The following NCAM2 variants were observed in gnomAD, a reference collection of about 807,000 sequenced individuals.
NCAM2 encodes the protein N-CAM-2.
A neutral mutation model predicts 98.1 loss-of-function variants in NCAM2; 30 were observed. That is an observed-to-expected ratio of 0.31 (90% confidence interval 0.23 to 0.41). NCAM2 has a LOEUF of 0.41. Among genes scored for constraint, NCAM2 ranks in the 10% least tolerant of loss-of-function variants. NCAM2 has a pLI of 1.00. For missense variants in NCAM2, 867 were observed against 1,005.8 expected (o/e 0.86, Z 1.87); for synonymous variants, 368 against 342.4 (o/e 1.07, Z -0.83).
At chr21:21,421,196 A>G (rs1195505712) in intron 11 of NCAM2, among the ~76,000 whole-genome samples, 1 of 151,958 alleles carries the variant, frequency 6.6e-6, no homozygotes, top group Non-Finnish European at 1.5e-5. Context: ...AAATAATTCC[A>G]TGAACTTCAC....
At chr21:21,450,807 C>CGTATGT (rs1980934719) in intron 12 of NCAM2, among the ~76,000 whole-genome samples, 40 of 112,704 alleles carry the variant, frequency 3.5e-4, no homozygotes, top group South Asian at 2.3e-3. Context: ...CACACACACA[C>CGTATGT]ACACACACAC....
intron 1 of NCAM2, among the ~76,000 whole-genome samples, chr21:21,178,800 T>C (rs1406162397): frequency 6.6e-6 from 1 of 152,010 alleles, no homozygotes; most frequent in African/African-American, 2.4e-5. Context: ...ATTTATTTTC[T>C]AAAAAATGAT....
At chr21:21,040,094 G>A (rs975716979) in intron 1 of NCAM2, among the ~76,000 whole-genome samples, 16 of 151,998 alleles carry the variant, frequency 1.1e-4, no homozygotes, top group Admixed American at 3.3e-4. Flanking sequence ...ATACCACAAC[G>A]TTATTTACTC....
chr21:21,481,033 A>G (rs973784602), intron 15 of NCAM2, among the ~76,000 whole-genome samples: 2 of 152,178 alleles, frequency 1.3e-5, no homozygotes, highest in South Asian at 2.1e-4. Flanking sequence ...ATGGCTTGGA[A>G]ACATACACCA....
chr21:21,491,544 T>G (rs549748359), intron 15 of NCAM2, among the ~76,000 whole-genome samples: 1 of 151,884 alleles, frequency 6.6e-6, no homozygotes, highest in African/African-American at 2.4e-5. Context: ...ATATAAAAAT[T>G]ATTTAATTAG....
chr21:21,295,658 C>A (rs1255935661), intron 5 of NCAM2, among the ~76,000 whole-genome samples: 1 of 151,750 alleles, frequency 6.6e-6, no homozygotes, highest in Non-Finnish European at 1.5e-5. Context: ...AGGGACTTAC[C>A]CTTCATCCTG....
At chr21:21,111,498 G>A (rs2066453180) in intron 1 of NCAM2, among the ~76,000 whole-genome samples, 1 of 152,140 alleles carries the variant, frequency 6.6e-6, no homozygotes, top group South Asian at 2.1e-4. Flanking sequence ...GAGATGGAGG[G>A]AGAACCAAGA....
At chr21:21,108,349 T>A (rs1569030902) in intron 1 of NCAM2, among the ~76,000 whole-genome samples, 2 of 152,138 alleles carry the variant, frequency 1.3e-5, no homozygotes, top group Admixed American at 1.3e-4. Context: ...TTAATTTCTC[T>A]TGTAAAAGTT....
chr21:21,409,024 G>C (rs1196828711), intron 9 of NCAM2, among the ~76,000 whole-genome samples: 2 of 151,886 alleles, frequency 1.3e-5, no homozygotes, highest in Non-Finnish European at 2.9e-5. Flanking sequence ...GACTTAAATT[G>C]ATAATTTTTG....
chr21:21,271,806 G>C (rs112416675), intron 1 of NCAM2, among the ~76,000 whole-genome samples: 1 of 152,040 alleles, frequency 6.6e-6, no homozygotes, highest in African/African-American at 2.4e-5. Flanking sequence ...TTTTTTGTTT[G>C]TGTTATTTTG....
chr21:21,278,048 A>G (rs2072792271), intron 1 of NCAM2, among the ~76,000 whole-genome samples: 1 of 152,190 alleles, frequency 6.6e-6, no homozygotes, highest in South Asian at 2.1e-4. Context: ...TGCAGGTTGA[A>G]GATGGCAAGA....
intron 1 of NCAM2, among the ~76,000 whole-genome samples, chr21:21,189,356 T>A (rs1371351874): frequency 6.6e-6 from 1 of 152,160 alleles, no homozygotes; most frequent in Non-Finnish European, 1.5e-5. Context: ...GCTGAAAATA[T>A]AAACTCATTT....
At chr21:21,514,188 T>C (rs1988569179) in intron 16 of NCAM2, among the ~76,000 whole-genome samples, 1 of 151,292 alleles carries the variant, frequency 6.6e-6, no homozygotes, top group Admixed American at 6.6e-5. Flanking sequence ...TAATTTTACA[T>C]ATAACCTCTT....
intron 15 of NCAM2, among the ~76,000 whole-genome samples, chr21:21,492,471 C>T (rs1986919640): frequency 6.6e-6 from 1 of 151,830 alleles, no homozygotes; most frequent in Non-Finnish European, 1.5e-5. Flanking sequence ...ATAGCTGCTT[C>T]CCTATGACCA....
rs2826690 is a variant in NCAM2 at position 21,138,704 on chromosome 21, A to T, written c.55+140086A>T. Among the ~76,000 whole-genome samples, 29 of 152,066 alleles carry T rather than the reference A, an allele frequency of 1.9e-4. No homozygotes were observed. In the South Asian group the frequency reaches 4.8e-3, roughly 25 times the overall value. On this transcript the variant is annotated intron_variant, in intron 1 of 17. Coordinates refer to ENST00000400546, the MANE Select transcript of NCAM2 (RefSeq NM_004540.5). ...AGTGACATATTTATAATAAATAATT[A>T]GTGTATTTTGATTTGAAAAATAGAC...
chr21:21,077,371 T>A (rs2065701856), intron 1 of NCAM2, among the ~76,000 whole-genome samples: 1 of 152,168 alleles, frequency 6.6e-6, no homozygotes, highest in South Asian at 2.1e-4. Flanking sequence ...GGATAGATCC[T>A]TGATAAACCT....
At chr21:21,030,982 T>C (rs2064670011) in intron 1 of NCAM2, among the ~76,000 whole-genome samples, 2 of 152,174 alleles carry the variant, frequency 1.3e-5, no homozygotes, top group Non-Finnish European at 2.9e-5. Flanking sequence ...CTCAGGTGAA[T>C]AGATAAAATT....
chr21:21,305,006 A>C (rs1192522117), intron 5 of NCAM2, among the ~76,000 whole-genome samples: 4 of 152,152 alleles, frequency 2.6e-5, no homozygotes, highest in Non-Finnish European at 5.9e-5. Context: ...GTTCCGTAGA[A>C]TTCTCTACAT....
intron 1 of NCAM2, among the ~76,000 whole-genome samples, chr21:21,264,113 C>G (rs1230207460): frequency 4.6e-5 from 7 of 151,850 alleles, no homozygotes. Context: ...AGGATTGATA[C>G]CCAGAATCTA....
Sources: allele counts gnomAD v4.1 joint callset (sites outside exome capture counted in the v4.1 genomes callset), GRCh38; gene constraint gnomAD v4.1.1; transcripts MANE v1.5; gene names NCBI Gene and HGNC (gene_info 2026-07-23, HGNC 2026-07-21).